MAGEC2: variants seen among roughly 807,000 people sequenced by gnomAD.
MAGEC2 encodes the protein MAGE family member C2, also known as melanoma-associated antigen C2.
For missense variants in MAGEC2, 332 were observed against 282.3 expected (o/e 1.18, Z -1.26); for synonymous variants, 127 against 115.1 (o/e 1.10, Z -0.66).
Position 142,204,435 on chromosome X carries a change from A to G in MAGEC2, c.-140T>C. ...CTGTGTGCCTCACACCCAGTTCGTC[A>G]CCACCTGGTTCCTGGAGCACCTGCA... On this transcript the variant is annotated 5_prime_UTR_variant, in exon 2 of 3. Coordinates refer to ENST00000247452, the MANE Select transcript of MAGEC2 (RefSeq NM_016249.4). 4.9e-6 allele frequency: 1 copy of G among 205,717 alleles called. No individual in the cohort carries two copies. The highest frequency in any genetic ancestry group is 8.8e-6 in the Non-Finnish European group (1 of 113,481). 17.0% of individuals were successfully genotyped at this position (205,717 alleles called of 1,213,427 possible).
chrX:142,204,256 G>T, intron 2 of MAGEC2, 106 bp downstream of exon 2: 1 of 503,989 alleles, frequency 2.0e-6, no homozygotes, highest in Admixed American at 3.5e-5. Flanking sequence ...GGCAGGCAGA[G>T]CCTGAGACCC....
intron 2 of MAGEC2, 131 bp from the exon 3 acceptor site, chrX:142,204,184 C>A (rs1931200846): frequency 3.3e-6 from 3 of 904,391 alleles, no homozygotes; most frequent in Non-Finnish European, 4.8e-6. Context: ...TCCTGTCTTC[C>A]TAGGGAGTTT....
chrX:142,202,802 C>A lies in MAGEC2; in HGVS notation c.*64G>T. 3.7e-6 allele frequency: 4 copies of A among 1,095,129 alleles called. No individual in the cohort carries two copies. The South Asian group carries it at 6.6e-5, about 18-fold the overall frequency. 90.3% of individuals were successfully genotyped at this position (1,095,129 alleles called of 1,213,427 possible). ...ACTACGTTCCTCGAGCCCCACCTGG[C>A]CCTCCACTACCTAGAACCTAAACTG... On this transcript the variant is annotated 3_prime_UTR_variant, in exon 3 of 3. Coordinates refer to ENST00000247452, the MANE Select transcript of MAGEC2 (RefSeq NM_016249.4).
At position 142,204,032 on chromosome X, in the gene MAGEC2, T is replaced by C; in HGVS notation, c.-45A>G. ...GCAGGTAAACGTATCAACAGGGATA[T>C]GGATGATGAGATCCAACAGGCCTGT... is the stretch of plus-strand genomic sequence containing the variant. On this transcript the variant is annotated 5_prime_UTR_variant, in exon 3 of 3. Coordinates refer to ENST00000247452, the MANE Select transcript of MAGEC2 (RefSeq NM_016249.4). 8.4e-7 allele frequency: 1 copy of C among 1,187,106 alleles called. No homozygotes were observed. Among genetic ancestry groups the C allele is most frequent in the Non-Finnish European group, 1.1e-6 (1 of 879,022 alleles).
rs767388887 is a variant in MAGEC2, at chrX:142,202,997, A to G, written c.991T>C (p.Ser331Pro). ...TCTTTCAAAGCATCCTTGTACCAGG[A>G]TGGAAAGGAACTAGGAACAGTGTTG... ...LNNTVPSSFP[S>P]WYKDALKDVE... Residue 331 changes from serine to proline, a missense_variant, in exon 3 of 3, where the codon TCC (serine) becomes CCC (proline). Ser to Pro is a moderately conservative substitution (Grantham distance 74). Coordinates refer to ENST00000247452, the MANE Select transcript of MAGEC2 (RefSeq NM_016249.4). 1 of 1,210,119 alleles carries G rather than the reference A, an allele frequency of 8.3e-7. No homozygotes were observed.
At chrX:142,204,205 A>T (rs1317289349) in intron 2 of MAGEC2, among the ~76,000 whole-genome samples, 152 bp from the exon 3 acceptor site, 1 of 111,697 alleles carries the variant, frequency 9.0e-6, no homozygotes, top group Non-Finnish European at 1.9e-5. Context: ...GTCTGCTGGG[A>T]ACCTGTAGGA....
rs372614328 is a variant in MAGEC2 at position 142,203,978 on chromosome X, C to T, written c.10G>A (p.Val4Ile). Reference protein sequence around the residue: MPPVPGVPFRNVDN... With the variant: MPPIPGVPFRNVDN... ...ACGTTGCGGAATGGAACGCCTGGAA[C>T]GGGAGGCATGACGACTTCTTCAGGA... The change falls in exon 3 of 3, where the codon GTT becomes ATT. Residue 4 changes from valine to isoleucine, a missense_variant. By Grantham distance (29) the Val-to-Ile change is conservative. Coordinates refer to ENST00000247452, the MANE Select transcript of MAGEC2 (RefSeq NM_016249.4). 12 of 1,180,604 alleles carry T rather than the reference C, an allele frequency of 1.0e-5. No individual in the cohort carries two copies. The highest frequency in any genetic ancestry group is 2.4e-5 in the Admixed American group (1 of 42,110).
At position 142,203,708 on chromosome X, in the gene MAGEC2, C is replaced by G; in HGVS notation, c.280G>C (p.Gly94Arg). ...GAGCTCAGAGGACTCTGGGAAGGACCCTGTGGAGGACCCTGTGGAGGACTA... is the reference window on the plus strand; with the variant it reads ...GAGCTCAGAGGACTCTGGGAAGGACGCTGTGGAGGACCCTGTGGAGGACTA... Reference protein sequence around the residue: ...PSSPPQGPPQGPSQSPLSSCC... With the variant: ...PSSPPQGPPQRPSQSPLSSCC... The change falls in exon 3 of 3, where the codon GGT (glycine) becomes CGT (arginine). Residue 94 changes from glycine to arginine, a missense_variant. Physicochemically the swap from Gly to Arg is moderately radical, Grantham distance 125. Coordinates refer to ENST00000247452, the MANE Select transcript of MAGEC2 (RefSeq NM_016249.4). 8.3e-7 allele frequency: 1 copy of G among 1,208,779 alleles called. No homozygotes were observed.
In MAGEC2 at chrX:142,203,658, G is replaced by C. The variant is rs1931189096; in HGVS notation, c.330C>G (p.Ser110Arg). Residue 110 changes from serine to arginine, a missense_variant, in exon 3 of 3, where the codon AGC becomes AGG. Transcript: ENST00000247452. ...LSSCCSSFSWSSFSEESSSQK... is the reference protein window; with the variant it reads ...LSSCCSSFSWRSFSEESSSQK... Reference sequence around the variant, plus strand: ...GGCTGCTGGACTCCTCACTGAATGAGCTCCATGAAAAAGAGGAGCAGCAGG... The same window carrying C: ...GGCTGCTGGACTCCTCACTGAATGACCTCCATGAAAAAGAGGAGCAGCAGG... 1 of 1,210,426 alleles carries C rather than the reference G, an allele frequency of 8.3e-7. No homozygotes were observed. The highest frequency in any genetic ancestry group is 2.2e-5 in the Admixed American group (1 of 45,928).
chrX:142,202,858 C>T lies in MAGEC2; in HGVS notation c.*8G>A. ...TTCAAACACAAGGGGAAGAAACTAT[C>T]CTAGACTTCACTCAGAAAAGGAGAC... On this transcript the variant is annotated 3_prime_UTR_variant, in exon 3 of 3. Coordinates refer to ENST00000247452, the MANE Select transcript of MAGEC2 (RefSeq NM_016249.4). The T allele has an allele frequency of 1.7e-6, 2 of 1,202,538 alleles. No homozygotes were observed. The highest frequency in any genetic ancestry group is 3.5e-5 in the African/African-American group (2 of 57,556).
chrX:142,203,313 G>C lies in MAGEC2; in HGVS notation c.675C>G (p.Pro225=). The part of the protein sequence containing the change: ...TDEGSDDEGM[P]ENSLLIIILS... ...GAATAATAATCAGGAGGCTGTTCTC[G>C]GGCATGCCCTCATCATCACTACCCT... The change falls in exon 3 of 3, where the codon CCC becomes CCG. Residue 225 remains proline (P), a synonymous_variant. Transcript: ENST00000247452. 8.3e-7 allele frequency: 1 copy of C among 1,209,133 alleles called. No homozygotes were observed. The highest frequency in any genetic ancestry group is 3.0e-5 in the East Asian group (1 of 33,688).
rs1931180774 is a variant in MAGEC2, at chrX:142,203,372, A to G, written c.616T>C (p.Cys206Arg). 2 of 1,211,681 alleles carry G rather than the reference A, an allele frequency of 1.7e-6. No individual in the cohort carries two copies. The highest frequency in any genetic ancestry group is 1.8e-5 in the South Asian group (1 of 56,964). The change falls in exon 3 of 3, where the codon TGT (cysteine) becomes CGT (arginine). Residue 206 changes from cysteine to arginine, a missense_variant. Transcript: ENST00000247452. The stretch of plus-strand genomic sequence containing the variant: ...AGGCCTACTGTGTTTGCAAACACAC[A>G]GAAGTGGTCAGGGCCCACTTCTATC... ...ALIEVGPDHF[C>R]VFANTVGLTD...
Position 142,202,883 on chromosome X carries a change from C to T in MAGEC2, c.1105G>A (p.Val369Ile), listed in dbSNP as rs201326446. ...SESLSVMSSN[V>I]SFSE is the part of the protein sequence containing the mutation. ...CCTAGACTTCACTCAGAAAAGGAGA[C>T]GTTGCTGGACATGACACTGAGGCTT... Residue 369 changes from valine (V) to isoleucine (I), a missense_variant, in exon 3 of 3, where the codon GTC becomes ATC. Coordinates refer to ENST00000247452, the MANE Select transcript of MAGEC2 (RefSeq NM_016249.4). The T allele has an allele frequency of 1.9e-5, 23 of 1,206,875 alleles. No individual in the cohort carries two copies. The highest frequency in any genetic ancestry group is 2.3e-4 in the Middle Eastern group (1 of 4,319).
Position 142,204,432 on chromosome X carries a change from G to A in MAGEC2, c.-137C>T, listed in dbSNP as rs1215696766. On this transcript the variant is annotated 5_prime_UTR_variant, in exon 2 of 3. In the 5' UTR this introduces an upstream ATG that the reference lacks. Coordinates refer to ENST00000247452, the MANE Select transcript of MAGEC2 (RefSeq NM_016249.4). Reference sequence around the variant, plus strand: ...AGGCTGTGTGCCTCACACCCAGTTCGTCACCACCTGGTTCCTGGAGCACCT... The same window carrying A: ...AGGCTGTGTGCCTCACACCCAGTTCATCACCACCTGGTTCCTGGAGCACCT... 2 of 206,926 alleles carry A rather than the reference G, an allele frequency of 9.7e-6. No homozygotes were observed. The highest frequency in any genetic ancestry group is 7.0e-5 in the Admixed American group (1 of 14,277). The allele number at this position is 206,926 out of a possible 1,213,427, so 17.1% of individuals were successfully genotyped here.
At position 142,203,606 on chromosome X, in the gene MAGEC2, G is replaced by T. The variant is rs1931187553; in HGVS notation, c.382C>A (p.Gln128Lys). Reference sequence around the variant, plus strand: ...GAGGACTCACTGTCTGGCAGGCCCTGACAGGTGCCTGTATCCTCCCCTTTC... The same window carrying T: ...GAGGACTCACTGTCTGGCAGGCCCTTACAGGTGCCTGTATCCTCCCCTTTC... ...SQKGEDTGTC[Q>K]GLPDSESSFT... The change falls in exon 3 of 3, where the codon CAG (glutamine) becomes AAG (lysine). Residue 128 changes from glutamine to lysine, a missense_variant. Coordinates refer to ENST00000247452, the MANE Select transcript of MAGEC2 (RefSeq NM_016249.4). The T allele has an allele frequency of 1.7e-6, 2 of 1,208,644 alleles. No homozygotes were observed. The highest frequency in any genetic ancestry group is 1.8e-5 in the African/African-American group (1 of 56,640).
At position 142,203,305 on chromosome X, in the gene MAGEC2, C is replaced by A. The variant is rs780273500; in HGVS notation, c.683G>T (p.Ser228Ile). ...CACACTCAGAATAATAATCAGGAGG[C>A]TGTTCTCGGGCATGCCCTCATCATC... ...GSDDEGMPEN[S>I]LLIIILSVIF... Residue 228 changes from serine to isoleucine, a missense_variant, in exon 3 of 3, where the codon AGC becomes ATC. Physicochemically the swap from Ser to Ile is moderately radical, Grantham distance 142. Transcript: ENST00000247452. The A allele has an allele frequency of 2.5e-6, 3 of 1,209,293 alleles. No homozygotes were observed. The East Asian group carries it at 8.9e-5, about 36-fold the overall frequency.
At position 142,203,677 on chromosome X, in the gene MAGEC2, C is replaced by T. The variant is rs776893230; in HGVS notation, c.311G>A (p.Cys104Tyr). The change falls in exon 3 of 3, where the codon TGC becomes TAC. Residue 104 changes from cysteine to tyrosine, a missense_variant. Coordinates refer to ENST00000247452, the MANE Select transcript of MAGEC2 (RefSeq NM_016249.4). ...GAATGAGCTCCATGAAAAAGAGGAG[C>T]AGCAGGAGCTCAGAGGACTCTGGGA... is the stretch of plus-strand genomic sequence containing the variant. Reference protein sequence around the residue: ...GPSQSPLSSCCSSFSWSSFSE... With the variant: ...GPSQSPLSSCYSSFSWSSFSE... 6.6e-6 allele frequency: 8 copies of T among 1,207,620 alleles called. No individual in the cohort carries two copies. The highest frequency in any genetic ancestry group is 7.8e-6 in the Non-Finnish European group (7 of 894,510).
chrX:142,203,273 T>C lies in MAGEC2; in HGVS notation c.715A>G (p.Ile239Val), dbSNP rs761001315. ...LLIIILSVIFIKGNCASEEVI... is the reference protein window; with the variant it reads ...LLIIILSVIFVKGNCASEEVI... ...TCCTCAGAGGCACAGTTGCCCTTTA[T>C]GAAGATCACACTCAGAATAATAATC... is the stretch of plus-strand genomic sequence containing the variant. The change falls in exon 3 of 3, where the codon ATA becomes GTA. Residue 239 changes from isoleucine to valine, a missense_variant. Physicochemically the swap from Ile to Val is conservative, Grantham distance 29. Coordinates refer to ENST00000247452, the MANE Select transcript of MAGEC2 (RefSeq NM_016249.4). 2.2e-5 allele frequency: 26 copies of C among 1,209,261 alleles called. No homozygotes were observed. The African/African-American group carries it at 4.2e-4, about 20-fold the overall frequency.
chrX:142,203,945 CGTT>C lies in MAGEC2; in HGVS notation c.40_42del (p.Asn14del), dbSNP rs769316103. The C allele has an allele frequency of 3.1e-5, 36 of 1,172,381 alleles. No homozygotes were observed. Among genetic ancestry groups the C allele is most frequent in the Non-Finnish European group, 4.1e-5 (36 of 877,598 alleles). On this transcript the variant is annotated inframe_deletion, in exon 3 of 3. Coordinates refer to ENST00000247452, the MANE Select transcript of MAGEC2 (RefSeq NM_016249.4). ...TCTAACTCAACTGAGGTCGGGGAGT[CGTT>C]GTCAACGTTGCGGAATGGAACGCCT...
Sources: gnomAD v4.1 joint callset for allele counts (sites outside exome capture counted in the v4.1 genomes callset) on GRCh38, gnomAD v4.1.1 for gene constraint, MANE v1.5 for transcripts, NCBI Gene and HGNC (gene_info 2026-07-23, HGNC 2026-07-21) for gene names.